Variants in RAB2A observed in about 807,000 individuals in gnomAD.
The protein encoded by RAB2A is ras-related protein Rab-2A.
Under a neutral mutation model 32.5 loss-of-function variants are expected in RAB2A, and 7 were observed. The ratio of observed to expected loss-of-function variants is 0.22; its 90% CI spans 0.12 to 0.40. The LOEUF is 0.40. Ranked by LOEUF, RAB2A falls within the 10% of genes least tolerant of loss-of-function variation. The pLI, the probability that RAB2A is intolerant of heterozygous loss-of-function variation, is 1.00. For missense variants in RAB2A, 108 were observed against 260.7 expected (o/e 0.41, Z 4.03); for synonymous variants, 79 against 85.2 (o/e 0.93, Z 0.40).
At chr8:60,575,065 T>A (rs1808250465) in intron 3 of RAB2A, among the ~76,000 whole-genome samples, 1 of 151,070 alleles carries the variant, frequency 6.6e-6, no homozygotes, top group Non-Finnish European at 1.5e-5. Flanking sequence ...CTTACAGGTT[T>A]TCCTCTTTTG....
At chr8:60,598,163 C>T (rs1563482483) in intron 6 of RAB2A, among the ~76,000 whole-genome samples, 3 of 152,076 alleles carry the variant, frequency 2.0e-5, no homozygotes, top group Non-Finnish European at 4.4e-5. Context: ...CACCATTGCA[C>T]TCCAGCCTGG....
chr8:60,528,324 C>T (rs1807423335), intron 1 of RAB2A, among the ~76,000 whole-genome samples: 1 of 152,200 alleles, frequency 6.6e-6, no homozygotes, highest in South Asian at 2.1e-4. Flanking sequence ...ATATGTGTAA[C>T]AGTGACTTGA....
At chr8:60,525,963 ATATATGTCTATATGTC>A (rs1311854189) in intron 1 of RAB2A, among the ~76,000 whole-genome samples, 16 of 146,594 alleles carry the variant, frequency 1.1e-4, no homozygotes, top group Non-Finnish European at 2.1e-4. Flanking sequence ...ATATATGTAT[ATATATGTCTATATGTC>A]TATATGTATA....
rs1300245402 is a variant in RAB2A, at chr8:60,517,252, A to T, written c.45A>T (p.Thr15=). The change falls in exon 1 of 8, where the codon ACA becomes ACT. Residue 15 remains threonine, a splice_region_variant and synonymous_variant. Transcript: ENST00000262646. ...YLFKYIIIGD[T]GVGKSCLLLQ... ...TCAAGTACATCATAATCGGCGACAC[A>T]GGTGAGGGCCCCGGGCGCGGCCGGG... 1 of 1,488,342 alleles carries T rather than the reference A, an allele frequency of 6.7e-7. No homozygotes were observed. The highest frequency in any genetic ancestry group is 2.4e-5 in the Admixed American group (1 of 42,176). 92.2% of individuals were successfully genotyped at this position (1,488,342 alleles called of 1,614,324 possible).
At chr8:60,565,594 A>T (rs1196260193) in intron 2 of RAB2A, among the ~76,000 whole-genome samples, 1 of 151,212 alleles carries the variant, frequency 6.6e-6, no homozygotes, top group African/African-American at 2.4e-5. Flanking sequence ...GTTGCCTAGA[A>T]CAACATTGCC....
intron 2 of RAB2A, among the ~76,000 whole-genome samples, chr8:60,566,412 T>A (rs1586086568): frequency 6.6e-6 from 1 of 152,328 alleles, no homozygotes; most frequent in East Asian, 1.9e-4. Flanking sequence ...TTGTTATATA[T>A]CTTTGTCTTT....
chr8:60,522,251 A>C (rs73257486), intron 1 of RAB2A, among the ~76,000 whole-genome samples: 2 of 152,116 alleles, frequency 1.3e-5, no homozygotes, highest in Non-Finnish European at 2.9e-5. Flanking sequence ...GTCAGGGACT[A>C]TTGGTTGAAA....
chr8:60,553,904 T>G (rs1057503075), intron 1 of RAB2A, among the ~76,000 whole-genome samples: 7 of 152,220 alleles, frequency 4.6e-5, no homozygotes, highest in African/African-American at 1.7e-4. Flanking sequence ...TGAGTTGTCT[T>G]AAAGCATGAA....
chr8:60,595,630 T>C (rs1462232140), intron 6 of RAB2A, among the ~76,000 whole-genome samples: 2 of 152,134 alleles, frequency 1.3e-5, no homozygotes, highest in East Asian at 3.8e-4. Flanking sequence ...AGAAAAAAAT[T>C]ATCAGAGTGG....
intron 1 of RAB2A, among the ~76,000 whole-genome samples, chr8:60,544,415 T>C (rs1358607137): frequency 7.9e-5 from 12 of 152,082 alleles, no homozygotes. Flanking sequence ...AATGCTCTCT[T>C]AGCTGTATTC....
intron 6 of RAB2A, among the ~76,000 whole-genome samples, chr8:60,594,118 C>T (rs1308979572): frequency 6.6e-6 from 1 of 152,144 alleles, no homozygotes; most frequent in Non-Finnish European, 1.5e-5. Flanking sequence ...AACACTACCT[C>T]AGGGACTTAT....
chr8:60,575,991 AAG>A (rs1803610881), intron 3 of RAB2A, among the ~76,000 whole-genome samples: 1 of 152,138 alleles, frequency 6.6e-6, no homozygotes, highest in African/African-American at 2.4e-5. Flanking sequence ...CAAAAAATTT[AAG>A]GAGTTTTCCT....
At chr8:60,543,625 C>A (rs1245327307) in intron 1 of RAB2A, among the ~76,000 whole-genome samples, 1 of 152,142 alleles carries the variant, frequency 6.6e-6, no homozygotes, top group African/African-American at 2.4e-5. Context: ...TTTTGGGGGG[C>A]CATTATCTAT....
chr8:60,584,878 T>A, intron 5 of RAB2A, 63 bp downstream of exon 5: 2 of 1,188,086 alleles, frequency 1.7e-6, no homozygotes, highest in Non-Finnish European at 2.4e-6. Flanking sequence ...TTTATTTGAC[T>A]ACTTTCCTTA....
chr8:60,556,667 A>G (rs1286697250), intron 1 of RAB2A, among the ~76,000 whole-genome samples: 2 of 150,182 alleles, frequency 1.3e-5, no homozygotes, highest in African/African-American at 4.9e-5. Context: ...AAAAAAGAGG[A>G]AGAAGAAGAA....
intron 1 of RAB2A, among the ~76,000 whole-genome samples, chr8:60,539,888 G>T (rs570179060): frequency 6.6e-6 from 1 of 152,050 alleles, no homozygotes; most frequent in African/African-American, 2.4e-5. Flanking sequence ...TACTGTCCTT[G>T]ATATGAACGG....
At chr8:60,595,661 G>C (rs930374074) in intron 6 of RAB2A, among the ~76,000 whole-genome samples, 3 of 152,110 alleles carry the variant, frequency 2.0e-5, no homozygotes, top group African/African-American at 7.2e-5. Context: ...AATGATAAAA[G>C]AATCAGCCCT....
intron 6 of RAB2A, among the ~76,000 whole-genome samples, chr8:60,615,541 A>AT (rs1025790298): frequency 6.6e-6 from 1 of 152,192 alleles, no homozygotes; most frequent in African/African-American, 2.4e-5. Flanking sequence ...GAAATGATCA[A>AT]TTTTTTAAAA....
intron 1 of RAB2A, among the ~76,000 whole-genome samples, chr8:60,521,055 A>G (rs1807294588): frequency 6.6e-6 from 1 of 152,334 alleles, no homozygotes; most frequent in South Asian, 2.1e-4. Flanking sequence ...GGCTTAAGCC[A>G]TCCTCCCACT....
Sources: allele counts gnomAD v4.1 joint callset (sites outside exome capture counted in the v4.1 genomes callset), GRCh38; gene constraint gnomAD v4.1.1; transcripts MANE v1.5; gene names NCBI Gene and HGNC (gene_info 2026-07-23, HGNC 2026-07-21).